Variants in YAP1 observed in about 807,000 individuals in gnomAD.
YAP1 encodes the protein Yes1 associated transcriptional regulator.
In YAP1, 5 loss-of-function variants were observed where a neutral mutation model predicts 56.9. That is an observed-to-expected ratio of 0.09 (90% confidence interval 0.05 to 0.18). The LOEUF (loss-of-function observed/expected upper bound fraction) is 0.18, where lower values mean the gene tolerates loss of function less well. Among genes scored for constraint, YAP1 ranks in the 10% least tolerant of loss-of-function variants. The probability of loss-of-function intolerance (pLI) is 1.00; values close to 1 mark genes in which losing one functional copy is unlikely to be tolerated. For synonymous variants in YAP1, 265 were observed against 248.1 expected (o/e 1.07, Z -0.64); for missense variants, 539 against 651.8 (o/e 0.83, Z 1.88).
intron 2 of YAP1, among the ~76,000 whole-genome samples, chr11:102,121,296 C>G (rs11225134): frequency 0.38 from 57,590 of 151,814 alleles, 11,147 homozygotes; most frequent in Admixed American, 0.45. Flanking sequence ...AAAAATTAGC[C>G]GAGCATGGTG....
chr11:102,215,216 C>G (rs1226464835), intron 6 of YAP1, among the ~76,000 whole-genome samples: 2 of 152,094 alleles, frequency 1.3e-5, no homozygotes. Flanking sequence ...TTGACATAAA[C>G]TGCTATCACT....
chr11:102,111,197 C>A, intron 1 of YAP1, 28 bp downstream of exon 1: 1 of 1,608,854 alleles, frequency 6.2e-7, no homozygotes, highest in Non-Finnish European at 8.5e-7. Context: ...CTCCCCGTTT[C>A]CCCGTCGGGC....
At chr11:102,147,348 A>G (rs764300596) in intron 2 of YAP1, among the ~76,000 whole-genome samples, 81 of 152,322 alleles carry the variant, frequency 5.3e-4, no homozygotes, top group Middle Eastern at 6.8e-3. Flanking sequence ...CTATTCTGAT[A>G]CTATGAAGAG....
Position 102,232,300 on chromosome 11 carries a change from T to A in YAP1, c.*2360T>A, listed in dbSNP as rs528786712. 1 of 147,678 alleles carries A rather than the reference T, an allele frequency of 6.8e-6. No individual in the cohort carries two copies. The highest frequency in any genetic ancestry group is 2.5e-5 in the African/African-American group (1 of 39,898). 9.1% of individuals were successfully genotyped at this position (147,678 alleles called of 1,614,324 possible). A position where few individuals can be genotyped will look rare whatever the true frequency, so the allele number is the denominator to read the frequency against. ...GTTTGGGGGGGGGGTTGTGAAGATT[T>A]AGGGGGACCTTGATAGAGAACTTTA... On this transcript the variant is annotated 3_prime_UTR_variant, in exon 9 of 9. Coordinates refer to ENST00000282441, the MANE Select transcript of YAP1 (RefSeq NM_001130145.3).
At chr11:102,150,031 C>G (rs1172537283) in intron 2 of YAP1, among the ~76,000 whole-genome samples, 1 of 116,528 alleles carries the variant, frequency 8.6e-6, no homozygotes, top group Non-Finnish European at 1.6e-5. Flanking sequence ...GTGGCCCAGG[C>G]TGGAATGTAG....
chr11:102,112,220 T>G (rs1942981730), intron 1 of YAP1, among the ~76,000 whole-genome samples: 1 of 152,218 alleles, frequency 6.6e-6, no homozygotes, highest in African/African-American at 2.4e-5. Context: ...AAGCGATGAC[T>G]AATTCTAGGA....
chr11:102,191,939 G>A (rs1245967141), intron 4 of YAP1, among the ~76,000 whole-genome samples: 1 of 152,140 alleles, frequency 6.6e-6, no homozygotes, highest in Non-Finnish European at 1.5e-5. Flanking sequence ...CTCCCAAAGT[G>A]CTGAGTTTAC....
chr11:102,127,232 G>C (rs1376110292), intron 2 of YAP1, among the ~76,000 whole-genome samples: 1 of 152,192 alleles, frequency 6.6e-6, no homozygotes, highest in African/African-American at 2.4e-5. Context: ...CCAAGGGGAA[G>C]ATGTCTCCAG....
intron 2 of YAP1, among the ~76,000 whole-genome samples, chr11:102,157,549 C>T (rs1467467233): frequency 3.3e-5 from 5 of 152,122 alleles, no homozygotes; most frequent in Admixed American, 1.3e-4. Context: ...TTCTTCACAC[C>T]GTTTTGTATT....
rs139054273 is a variant in YAP1, at chr11:102,129,618, CAAAAAAAA to C, written c.572+15239_572+15246del. Among the ~76,000 whole-genome samples, 3 of 100,182 alleles carry C rather than the reference CAAAAAAAA, an allele frequency of 3.0e-5. No individual in the cohort carries two copies. In the East Asian group the frequency reaches 8.4e-4, roughly 28 times the overall value. 65.7% of individuals were successfully genotyped at this position (100,182 alleles called of 152,430 possible). A position where few individuals can be genotyped will look rare whatever the true frequency, so the allele number is the denominator to read the frequency against. The stretch of plus-strand genomic sequence containing the variant: ...GGGCAACAGAGCGAGACTCTGTCTC[CAAAAAAAA>C]AAAAAAAAAAAAAATTTACCCATAG... On this transcript the variant is annotated intron_variant, in intron 2 of 8. Coordinates refer to ENST00000282441, the MANE Select transcript of YAP1 (RefSeq NM_001130145.3).
intron 2 of YAP1, among the ~76,000 whole-genome samples, chr11:102,131,570 A>G (rs1045703409): frequency 2.6e-5 from 4 of 152,212 alleles, no homozygotes; most frequent in South Asian, 2.1e-4. Flanking sequence ...ATGACATGCT[A>G]TAGAGTGCTC....
intron 2 of YAP1, among the ~76,000 whole-genome samples, chr11:102,159,136 T>A (rs184599367): frequency 6.6e-6 from 1 of 152,358 alleles, no homozygotes; most frequent in Non-Finnish European, 1.5e-5. Context: ...CAATATAGTC[T>A]ACACTTGCTG....
Position 102,183,443 on chromosome 11 carries a change from G to T in YAP1, c.689-2575G>T, listed in dbSNP as rs1367406386. ...AGATGAATCGAAAATATTTTAAGAA[G>T]AGAAACCCCTGGTGACTGATAGAGG... is the stretch of plus-strand genomic sequence containing the variant. On this transcript the variant is annotated intron_variant, in intron 3 of 8. Coordinates refer to ENST00000282441, the MANE Select transcript of YAP1 (RefSeq NM_001130145.3). Among the ~76,000 whole-genome samples the T allele has an allele frequency of 2.0e-5, 3 of 152,164 alleles. No homozygotes were observed. The East Asian group carries it at 5.8e-4, about 29-fold the overall frequency.
At chr11:102,166,655 G>A (rs935175295) in intron 3 of YAP1, among the ~76,000 whole-genome samples, 5 of 152,166 alleles carry the variant, frequency 3.3e-5, no homozygotes, top group African/African-American at 1.2e-4. Flanking sequence ...CTGCTAACCC[G>A]AAGCCTTCAC....
At chr11:102,199,024 A>G (rs764487279) in intron 4 of YAP1, among the ~76,000 whole-genome samples, 7 of 152,166 alleles carry the variant, frequency 4.6e-5, no homozygotes, top group East Asian at 1.9e-4. Context: ...GTGTATGTCT[A>G]TGTGTTTGTG....
chr11:102,150,901 A>G (rs1945609945), intron 2 of YAP1, among the ~76,000 whole-genome samples: 1 of 148,722 alleles, frequency 6.7e-6, no homozygotes, highest in Non-Finnish European at 1.5e-5. Flanking sequence ...CCTAGGTTCA[A>G]GTGATTCTCC....
chr11:102,211,583 GATCAAGAAATCTGGTGGTATTTGT>G (rs1949405365), intron 6 of YAP1, among the ~76,000 whole-genome samples: 1 of 152,184 alleles, frequency 6.6e-6, no homozygotes, highest in Admixed American at 6.5e-5. Context: ...ATTTGAAATA[GATCAAGAAATCTGGTGGTATTTGT>G]ATCAAGAAAG....
chr11:102,139,722 C>T (rs560104031), intron 2 of YAP1, among the ~76,000 whole-genome samples: 9 of 152,112 alleles, frequency 5.9e-5, no homozygotes, highest in Admixed American at 2.0e-4. Flanking sequence ...TTTACTTACG[C>T]TTATAAAAAC....
At chr11:102,199,382 T>A (rs901725276) in intron 4 of YAP1, among the ~76,000 whole-genome samples, 5 of 152,200 alleles carry the variant, frequency 3.3e-5, no homozygotes, top group African/African-American at 1.2e-4. Flanking sequence ...TTACATGAGG[T>A]TGTTGGTGCC....
Sources: gnomAD v4.1 joint callset for allele counts (sites outside exome capture counted in the v4.1 genomes callset) on GRCh38, gnomAD v4.1.1 for gene constraint, MANE v1.5 for transcripts, NCBI Gene and HGNC (gene_info 2026-07-23, HGNC 2026-07-21) for gene names.